The following BICD2 variants were observed in gnomAD, a reference collection of about 807,000 sequenced individuals.
The protein encoded by BICD2 is BICD cargo adaptor 2.
A neutral mutation model predicts 72.9 loss-of-function variants in BICD2; 25 were observed. That is an observed-to-expected ratio of 0.34 (90% CI 0.25 to 0.48). The LOEUF is 0.48. BICD2 is among the 20% of genes least tolerant of loss of function. BICD2 has a pLI of 0.99. For missense variants in BICD2, 894 were observed against 1,175.2 expected, an observed-to-expected ratio of 0.76 and a Z score of 3.50; for synonymous variants, 501 against 516.1, an observed-to-expected ratio of 0.97 and a Z score of 0.40.
At chr9:92,746,846 G>C (rs1019584990) in intron 1 of BICD2, among the ~76,000 whole-genome samples, 1 of 152,182 alleles carries the variant, frequency 6.6e-6, no homozygotes, top group Non-Finnish European at 1.5e-5. Flanking sequence ...TCACCATGGG[G>C]CAGCCACACG....
intron 1 of BICD2, among the ~76,000 whole-genome samples, chr9:92,748,847 T>C (rs140749157): frequency 3.3e-5 from 5 of 152,306 alleles, no homozygotes; most frequent in African/African-American, 7.2e-5. Context: ...AAAACTTTTA[T>C]TGTTCCCTTT....
chr9:92,713,945 G>A lies in BICD2; in HGVS notation c.*1209C>T. ...GCAGCCTGCAGGAGAGAAGACTGCA[G>A]CCTCAGGTCCAGCTGGTCCCACAGG... is the stretch of plus-strand genomic sequence containing the variant. On this transcript the variant is annotated 3_prime_UTR_variant, in exon 7 of 7. Coordinates refer to ENST00000356884, the MANE Select transcript of BICD2 (RefSeq NM_001003800.2). 2.0e-6 allele frequency: 2 copies of A among 990,868 alleles called. No homozygotes were observed. Among genetic ancestry groups the A allele is most frequent in the Non-Finnish European group, 2.4e-6 (2 of 833,094 alleles). The allele number at this position is 990,868 out of a possible 1,614,324, so 61.4% of individuals were successfully genotyped here.
intron 1 of BICD2, among the ~76,000 whole-genome samples, chr9:92,739,999 A>G (rs1296228751): frequency 6.6e-6 from 1 of 152,226 alleles, no homozygotes; most frequent in Non-Finnish European, 1.5e-5. Context: ...TACAAGCTCA[A>G]CAATATTATT....
intron 1 of BICD2, among the ~76,000 whole-genome samples, chr9:92,762,139 A>T (rs1266911310): frequency 6.6e-6 from 1 of 152,244 alleles, no homozygotes; most frequent in East Asian, 1.9e-4. Context: ...AATGCACTTT[A>T]GTTCAAGAAA....
intron 6 of BICD2, among the ~76,000 whole-genome samples, chr9:92,717,189 G>A (rs1853333688): frequency 1.3e-5 from 2 of 152,222 alleles, no homozygotes; most frequent in African/African-American, 4.8e-5. Context: ...TTGGCCCCAA[G>A]TTAAGTCCCT....
chr9:92,754,769 A>G (rs188847202), intron 1 of BICD2, among the ~76,000 whole-genome samples: 3 of 152,314 alleles, frequency 2.0e-5, no homozygotes, highest in Non-Finnish European at 2.9e-5. Flanking sequence ...CACTTCCCCA[A>G]TCAATACCCT....
In BICD2 at chr9:92,717,863, T is replaced by C. The variant is rs756538071; in HGVS notation, c.2192A>G (p.Asn731Ser). 37 of 1,612,912 alleles carry C rather than the reference T, an allele frequency of 2.3e-5. No homozygotes were observed. The highest frequency in any genetic ancestry group is 5.3e-5 in the African/African-American group (4 of 74,854). ...MVTETMMKLR[N>S]ELKALKEDAA... ...GTCCTCCTTGAGGGCCTTGAGCTCA[T>C]TGCGCAGCTTCATCATGGTCTCGGT... The change falls in exon 6 of 7, where the codon AAT becomes AGT. Residue 731 changes from asparagine to serine, a missense_variant. This residue lies in a region of BICD2 where 321 missense variants were observed against 443.9 expected (regional missense o/e 0.72). Coordinates refer to ENST00000356884, the MANE Select transcript of BICD2 (RefSeq NM_001003800.2).
intron 1 of BICD2, among the ~76,000 whole-genome samples, chr9:92,762,610 C>A (rs532279086): frequency 6.6e-6 from 1 of 152,302 alleles, no homozygotes; most frequent in Non-Finnish European, 1.5e-5. Flanking sequence ...TAGGGACTCA[C>A]CCTCCAGATA....
At position 92,719,506 on chromosome 9, in the gene BICD2, A is replaced by AC; in HGVS notation, c.1138_1139insG (p.Leu380ArgfsTer38). ...GGTCACCTTCTCCTGCTGTTCTGAC[A>AC]GGGAGCCCCGCGTGTGCTCCAGCTG... On this transcript the variant is annotated frameshift_variant, in exon 5 of 7. Coordinates refer to ENST00000356884, the MANE Select transcript of BICD2 (RefSeq NM_001003800.2). LOFTEE classifies it high-confidence loss of function. The AC allele has an allele frequency of 6.2e-7, 1 of 1,613,760 alleles. No homozygotes were observed. Among genetic ancestry groups the AC allele is most frequent in the Non-Finnish European group, 8.5e-7 (1 of 1,179,994 alleles).
At chr9:92,761,304 G>A (rs1854367818) in intron 1 of BICD2, among the ~76,000 whole-genome samples, 1 of 152,226 alleles carries the variant, frequency 6.6e-6, no homozygotes, top group South Asian at 2.1e-4. Flanking sequence ...CAAGGAGACA[G>A]AGACCTGAGT....
chr9:92,717,417 A>G (rs552506817), intron 6 of BICD2, among the ~76,000 whole-genome samples: 1 of 152,318 alleles, frequency 6.6e-6, no homozygotes, highest in East Asian at 1.9e-4. Context: ...GTGCAAAAGG[A>G]ACATTAAAAG....
chr9:92,713,754 G>A lies in BICD2; in HGVS notation c.*1400C>T. On this transcript the variant is annotated 3_prime_UTR_variant, in exon 7 of 7. Transcript: ENST00000356884. ...CTGGGGCAGGGGGATCTGGGCCCAG[G>A]ATGAACACGCAGGGGACATACATGG... The A allele has an allele frequency of 7.5e-7, 1 of 1,325,850 alleles. No individual in the cohort carries two copies. The allele number at this position is 1,325,850 out of a possible 1,614,324, so 82.1% of individuals were successfully genotyped here.
At position 92,720,305 on chromosome 9, in the gene BICD2, T is replaced by C. The variant is rs1245285211; in HGVS notation, c.1057A>G (p.Met353Val). 1 of 1,608,380 alleles carries C rather than the reference T, an allele frequency of 6.2e-7. No individual in the cohort carries two copies. Among genetic ancestry groups the C allele is most frequent in the African/African-American group, 1.3e-5 (1 of 74,972 alleles). ...AGGCCCCACTGCCTGCTCACCTGCATCAGCTGCTGCTTCAGCTTCTGGATC... is the reference window on the plus strand; with the variant it reads ...AGGCCCCACTGCCTGCTCACCTGCACCAGCTGCTGCTTCAGCTTCTGGATC... ...SEIQKLKQQL[M>V]QMEREKAGLL... The change falls in exon 4 of 7, where the codon ATG becomes GTG. Residue 353 changes from methionine to valine, a missense_variant. Around this residue, in one of 5 missense-constraint regions of BICD2, gnomAD observed 371 missense variants for 439.1 expected, o/e 0.84. Coordinates refer to ENST00000356884, the MANE Select transcript of BICD2 (RefSeq NM_001003800.2). This position sits in a 1 kb window ranked among gnomAD's most constrained non-coding sequence, Gnocchi z 5.4.
In BICD2 at chr9:92,714,859, G is replaced by A. The variant is rs1356695193; in HGVS notation, c.*295C>T. On this transcript the variant is annotated 3_prime_UTR_variant, in exon 7 of 7. Coordinates refer to ENST00000356884, the MANE Select transcript of BICD2 (RefSeq NM_001003800.2). ...TTTCCCCACGGGTGCGCAGGGCTTA[G>A]AAGATGCTTTCATCACACATCTGCT... The A allele has an allele frequency of 5.5e-5, 65 of 1,187,962 alleles. No individual in the cohort carries two copies. The highest frequency in any genetic ancestry group is 6.6e-5 in the Non-Finnish European group (63 of 956,728). The allele number at this position is 1,187,962 out of a possible 1,614,324, so 73.6% of individuals were successfully genotyped here.
rs1853448217 is a variant in BICD2 at position 92,720,711 on chromosome 9, C to T, written c.651G>A (p.Glu217=). The change falls in exon 4 of 7, where the codon GAG becomes GAA. Residue 217 remains glutamate (E), a synonymous_variant. Coordinates refer to ENST00000356884, the MANE Select transcript of BICD2 (RefSeq NM_001003800.2). This position sits in a 1 kb window ranked among gnomAD's most constrained non-coding sequence, Gnocchi z 5.4. ...GCTGGCTGTTGAGGTACTCGGTCTC[C>T]TCCTCCAGACGCTTGATCTCATGCT... is the stretch of plus-strand genomic sequence containing the variant. The part of the protein sequence containing the change: ...GLKHEIKRLE[E]ETEYLNSQLE... 1 of 1,614,170 alleles carries T rather than the reference C, an allele frequency of 6.2e-7. No individual in the cohort carries two copies. Among genetic ancestry groups the T allele is most frequent in the Admixed American group, 1.7e-5 (1 of 60,028 alleles).
chr9:92,745,820 G>A (rs1854000445), intron 1 of BICD2, among the ~76,000 whole-genome samples: 1 of 152,196 alleles, frequency 6.6e-6, no homozygotes, highest in Non-Finnish European at 1.5e-5. Context: ...AGAGGCTGAT[G>A]ATCCAGAAGT....
At chr9:92,731,347 G>A (rs1853675131) in intron 1 of BICD2, among the ~76,000 whole-genome samples, 1 of 152,120 alleles carries the variant, frequency 6.6e-6, no homozygotes, top group African/African-American at 2.4e-5. Context: ...CTTTTCCTCT[G>A]CTTAAGCTCC....
At position 92,764,644 on chromosome 9, in the gene BICD2, G is replaced by A; in HGVS notation, c.101C>T (p.Ala34Val). Residue 34 changes from alanine to valine, a missense_variant, in exon 1 of 7, where the codon GCC becomes GTC. Coordinates refer to ENST00000356884, the MANE Select transcript of BICD2 (RefSeq NM_001003800.2). The surrounding 1 kb of genome is among the most constrained non-coding windows in gnomAD (Gnocchi z 5.5). ...AEVKRLSHEL[A>V]ETTREKIQAA... is the part of the protein sequence containing the mutation. ...CTGGATCTTCTCACGCGTGGTCTCG[G>A]CCAGCTCGTGGGACAGCCGCTTCAC... 2 of 1,592,724 alleles carry A rather than the reference G, an allele frequency of 1.3e-6. No homozygotes were observed. Among genetic ancestry groups the A allele is most frequent in the East Asian group, 2.3e-5 (1 of 43,754 alleles).
chr9:92,718,212 T>C (rs1853363461), intron 5 of BICD2, among the ~76,000 whole-genome samples: 1 of 152,222 alleles, frequency 6.6e-6, no homozygotes, highest in Non-Finnish European at 1.5e-5. Context: ...ACAATTGCTC[T>C]CCACAGCTCA....
Sources: allele counts gnomAD v4.1 joint callset (sites outside exome capture counted in the v4.1 genomes callset), GRCh38; gene constraint gnomAD v4.1.1; regional missense constraint gnomAD v4.1.1; non-coding constraint Gnocchi (gnomAD v3.1); transcripts MANE v1.5; gene names NCBI Gene and HGNC (gene_info 2026-07-23, HGNC 2026-07-21).